TENM4: variants seen among roughly 807,000 people sequenced by gnomAD.
TENM4 encodes teneurin transmembrane protein 4.
A neutral mutation model predicts 243.3 loss-of-function variants in TENM4; 82 were observed. The observed-to-expected ratio is 0.34, with a 90% CI of 0.28 to 0.40. The LOEUF (loss-of-function observed/expected upper bound fraction) is 0.40. Among genes scored for constraint, TENM4 ranks in the 10% least tolerant of loss-of-function variants. TENM4 has a pLI of 1.00. For missense variants in TENM4, 3,138 were observed against 3,673.3 expected (o/e 0.85, Z 3.77); for synonymous variants, 1,412 against 1,456.3 (o/e 0.97, Z 0.69).
chr11:78,702,125 C>T lies in TENM4; in HGVS notation c.4488G>A (p.Gln1496=). Residue 1496 remains glutamine, a synonymous_variant, in exon 28 of 34, where the codon CAG becomes CAA. Transcript: ENST00000278550. ...TDEKKINRIR[Q]VTTSGEISLV... ...GTGAGATCTCTCCACTAGTGGTGACCTGCCTGATGCGGTTGATCTTTTTCT... is the reference window on the plus strand; with the variant it reads ...GTGAGATCTCTCCACTAGTGGTGACTTGCCTGATGCGGTTGATCTTTTTCT... 6.2e-7 allele frequency: 1 copy of T among 1,613,998 alleles called. No individual in the cohort carries two copies.
Position 78,726,249 on chromosome 11 carries a change from G to A in TENM4, c.3407-27C>T. ...TGTAGGTGACAGAATGAGGCAAAAT[G>A]CATAAGTGAGCAAAGCCCACTCTTT... On this transcript the variant is annotated intron_variant, in intron 22 of 33. Transcript: ENST00000278550. 2.5e-6 allele frequency: 4 copies of A among 1,610,034 alleles called. No homozygotes were observed. In the South Asian group the frequency reaches 3.3e-5, roughly 13 times the overall value.
At chr11:78,810,582 G>T (rs1857476947) in intron 14 of TENM4, among the ~76,000 whole-genome samples, 1 of 152,172 alleles carries the variant, frequency 6.6e-6, no homozygotes, top group Non-Finnish European at 1.5e-5. Flanking sequence ...TGTTAAAGGG[G>T]TTGGCGTTCC....
intron 9 of TENM4, among the ~76,000 whole-genome samples, chr11:78,875,328 C>T (rs762697474): frequency 9.2e-5 from 14 of 152,096 alleles, no homozygotes; most frequent in Admixed American, 2.6e-4. Context: ...TTCAGCCTCT[C>T]GAGTAGTTGA....
At chr11:78,972,372 T>C (rs534619137) in intron 6 of TENM4, among the ~76,000 whole-genome samples, 3 of 152,256 alleles carry the variant, frequency 2.0e-5, no homozygotes, top group African/African-American at 7.2e-5. Context: ...GTGAGTTATG[T>C]TGGAAAAATG....
chr11:78,866,565 T>C (rs1231441421), intron 9 of TENM4, among the ~76,000 whole-genome samples: 2 of 149,196 alleles, frequency 1.3e-5, no homozygotes, highest in Non-Finnish European at 3.0e-5. Flanking sequence ...CCAGGGAAGT[T>C]AATGAGGGCA....
intron 26 of TENM4, among the ~76,000 whole-genome samples, chr11:78,710,685 T>C (rs983088432): frequency 1.2e-4 from 18 of 152,206 alleles, no homozygotes; most frequent in African/African-American, 4.1e-4. Flanking sequence ...TGTCCCCTGA[T>C]TAATTACCTA....
chr11:79,039,823 A>C (rs1306800372), intron 6 of TENM4, among the ~76,000 whole-genome samples: 1 of 152,180 alleles, frequency 6.6e-6, no homozygotes, highest in African/African-American at 2.4e-5. Context: ...CAAACAAACA[A>C]AATAGTACCT....
intron 3 of TENM4, among the ~76,000 whole-genome samples, chr11:79,172,881 T>A (rs1863077791): frequency 6.6e-6 from 1 of 152,152 alleles, no homozygotes; most frequent in Non-Finnish European, 1.5e-5. Context: ...CCTCAACTGA[T>A]TCGCCTGCCT....
chr11:78,796,203 G>T (rs1201113984), intron 15 of TENM4, among the ~76,000 whole-genome samples: 1 of 152,172 alleles, frequency 6.6e-6, no homozygotes, highest in Non-Finnish European at 1.5e-5. Flanking sequence ...GAAGCAGTAA[G>T]CCACTGCTAT....
chr11:79,049,311 C>T (rs1282312979), intron 6 of TENM4, among the ~76,000 whole-genome samples: 1 of 152,232 alleles, frequency 6.6e-6, no homozygotes, highest in African/African-American at 2.4e-5. Context: ...TTTCTCTCCA[C>T]TTTCATTATC....
At chr11:79,190,553 A>G (rs547469703) in intron 3 of TENM4, among the ~76,000 whole-genome samples, 1 of 152,264 alleles carries the variant, frequency 6.6e-6, no homozygotes, top group South Asian at 2.1e-4. Flanking sequence ...AAAATAATAC[A>G]ACACTATCCC....
At chr11:78,934,386 C>T (rs373382544) in intron 6 of TENM4, among the ~76,000 whole-genome samples, 32 of 133,984 alleles carry the variant, frequency 2.4e-4, no homozygotes, top group South Asian at 5.9e-4. Context: ...ATGTGATGAG[C>T]GAAGGATTCT....
intron 9 of TENM4, among the ~76,000 whole-genome samples, chr11:78,873,977 T>A (rs1029506412): frequency 6.6e-6 from 1 of 152,070 alleles, no homozygotes; most frequent in Admixed American, 6.6e-5. Flanking sequence ...ATATTGCCTC[T>A]TCTGTGAGGA....
At position 78,672,218 on chromosome 11, in the gene TENM4, G is replaced by A. The variant is rs1450015058; in HGVS notation, c.5608C>T (p.Arg1870Trp). 6.2e-6 allele frequency: 10 copies of A among 1,614,046 alleles called. No homozygotes were observed. The highest frequency in any genetic ancestry group is 3.3e-5 in the Admixed American group (2 of 60,036). The change falls in exon 31 of 34, where the codon CGG becomes TGG. Residue 1870 changes from arginine (R) to tryptophan (W), a missense_variant. By Grantham distance (101) the Arg-to-Trp change is moderately radical. Around this residue, in one of 2 missense-constraint regions of TENM4, gnomAD observed 2,467 missense variants for 3,059.1 expected, o/e 0.81. Transcript: ENST00000278550. ...CTGCTGGGTGACCAGAGGCTGGGCC[G>A]CCCCGCCTGGTCGTACAGAATCCGA... ...TLRILYDQAG[R>W]PSLWSPSSRL...
chr11:78,727,051 T>C (rs545553120), intron 22 of TENM4, among the ~76,000 whole-genome samples: 268 of 152,338 alleles, frequency 1.8e-3, no homozygotes, highest in African/African-American at 5.9e-3. Context: ...AGGAATACTA[T>C]GACGCCACTG....
chr11:79,388,939 A>G (rs1858172815), intron 1 of TENM4, among the ~76,000 whole-genome samples: 1 of 152,166 alleles, frequency 6.6e-6, no homozygotes. Flanking sequence ...CCCAGAAATA[A>G]GAAAGTACCA....
chr11:79,034,190 G>A (rs940894512), intron 6 of TENM4, among the ~76,000 whole-genome samples: 6 of 152,160 alleles, frequency 3.9e-5, no homozygotes, highest in Non-Finnish European at 8.8e-5. Flanking sequence ...AGCATTTTAT[G>A]CCCACTTATG....
intron 2 of TENM4, among the ~76,000 whole-genome samples, chr11:79,221,584 TC>T (rs1864155619): frequency 4.6e-5 from 7 of 151,654 alleles, no homozygotes. Flanking sequence ...TTCTAGACAC[TC>T]AGAGCCCAGT....
chr11:78,833,328 C>A (rs1261522104), intron 12 of TENM4, among the ~76,000 whole-genome samples: 1 of 152,146 alleles, frequency 6.6e-6, no homozygotes, highest in African/African-American at 2.4e-5. Context: ...TTTTGATTGT[C>A]ATGTGATGTT....
Sources: gnomAD v4.1 joint callset for allele counts (sites outside exome capture counted in the v4.1 genomes callset) on GRCh38, gnomAD v4.1.1 for gene constraint, gnomAD v4.1.1 regional missense constraint, MANE v1.5 for transcripts, NCBI Gene and HGNC (gene_info 2026-07-23, HGNC 2026-07-21) for gene names.